The following RUFY4 variants were observed in gnomAD, a reference collection of about 807,000 sequenced individuals.
RUFY4 encodes RUN and FYVE domain-containing protein 4.
In RUFY4, 73 loss-of-function variants were observed where a neutral mutation model predicts 69.0. The observed-to-expected ratio is 1.06, with a 90% CI of 0.88 to 1.29. The LOEUF (loss-of-function observed/expected upper bound fraction) is 1.29. Among genes scored for constraint, RUFY4 ranks in the 50% most tolerant of loss-of-function variants. RUFY4 has a pLI of 0.00. For missense variants in RUFY4, 770 were observed against 705.6 expected, an observed-to-expected ratio of 1.09 and a Z score of -1.03; for synonymous variants, 287 against 271.8, an observed-to-expected ratio of 1.06 and a Z score of -0.55.
intron 4 of RUFY4, 117 bp from the exon 7 acceptor site, chr2:218,073,126 C>T: frequency 1.5e-6 from 2 of 1,311,174 alleles, no homozygotes; most frequent in Non-Finnish European, 2.1e-6. Context: ...GGAACAGCCT[C>T]ATGACGGTGT....
At chr2:218,089,593 C>A in intron 10 of RUFY4, 1 of 673,838 alleles carries the variant, frequency 1.5e-6, no homozygotes, top group Admixed American at 2.2e-5. Flanking sequence ...GGATTGGGTC[C>A]CCCTCCAAGA....
At chr2:218,077,422 G>A (rs188632519) in intron 8 of RUFY4, among the ~76,000 whole-genome samples, 11 of 152,208 alleles carry the variant, frequency 7.2e-5, no homozygotes, top group Admixed American at 4.6e-4. Context: ...ACTACATGGT[G>A]CAGACTGGTC....
Position 218,060,735 on chromosome 2 carries a change from G to A in RUFY4, c.-1071+2054G>A, listed in dbSNP as rs745822266. 4 of 1,437,570 alleles carry A rather than the reference G, an allele frequency of 2.8e-6. No individual in the cohort carries two copies. In the East Asian group the frequency reaches 9.1e-5, roughly 33 times the overall value. The allele number at this position is 1,437,570 out of a possible 1,614,324, so 89.1% of individuals were successfully genotyped here. ...GCGTATGCAGGGTGAATCTGTAGCAGAACAGCATGATCGCAGCGGCACGAT... is the reference window on the plus strand; with the variant it reads ...GCGTATGCAGGGTGAATCTGTAGCAAAACAGCATGATCGCAGCGGCACGAT... On this transcript the variant is annotated intron_variant and NMD_transcript_variant, in intron 3 of 13. Coordinates refer to the RUFY4 transcript ENST00000457754.
chr2:218,046,277 C>T (rs1688826898), intron 2 of RUFY4, among the ~76,000 whole-genome samples: 1 of 152,008 alleles, frequency 6.6e-6, no homozygotes, highest in South Asian at 2.1e-4. Flanking sequence ...GTGCTAGAGA[C>T]ACTAGAATTT....
intron 2 of RUFY4, among the ~76,000 whole-genome samples, chr2:218,057,239 T>C (rs1207881083): frequency 1.3e-5 from 2 of 152,248 alleles, no homozygotes; most frequent in East Asian, 3.8e-4. Context: ...AACTTTCTCT[T>C]TGTTGCAAAG....
chr2:218,077,619 GTC>G, intron 8 of RUFY4, among the ~76,000 whole-genome samples: 1 of 152,126 alleles, frequency 6.6e-6, no homozygotes, highest in East Asian at 1.9e-4. Flanking sequence ...ACCTGCCCCT[GTC>G]TCTCTCTCCC....
chr2:218,075,275 C>T (rs1689597496), exon 7 of RUFY4: 1 of 1,593,040 alleles, frequency 6.3e-7, no homozygotes, highest in Non-Finnish European at 8.5e-7. Flanking sequence ...AACATAGGTA[C>T]CCCCAGAGCA....
chr2:218,052,075 C>T (rs73082346), intron 2 of RUFY4, among the ~76,000 whole-genome samples: 9,886 of 152,250 alleles, frequency 0.065, 1,035 homozygotes, highest in African/African-American at 0.22. Flanking sequence ...TCACATCTCA[C>T]TACATGTGAC....
intron 2 of RUFY4, among the ~76,000 whole-genome samples, chr2:218,037,504 A>C (rs1958997655): frequency 6.6e-6 from 1 of 152,234 alleles, no homozygotes; most frequent in Non-Finnish European, 1.5e-5. Context: ...ACACAGCCTG[A>C]CTAATTAAAT....
At chr2:218,067,398 CT>C (rs1689365831), upstream of RUFY4, among the ~76,000 whole-genome samples, 1 of 152,260 alleles carries the variant, frequency 6.6e-6, no homozygotes, top group African/African-American at 2.4e-5. Context: ...CGGGTAGCCA[CT>C]GAGCCTTGGC....
intron 3 of RUFY4, chr2:218,059,714 A>G (rs1424681574): frequency 6.0e-6 from 1 of 166,790 alleles, no homozygotes; most frequent in Non-Finnish European, 1.5e-5. Flanking sequence ...CCATTCATTC[A>G]TTCATTCATT....
intron 2 of RUFY4, among the ~76,000 whole-genome samples, chr2:218,055,856 G>A (rs1233237809): frequency 1.3e-5 from 2 of 152,114 alleles, no homozygotes; most frequent in African/African-American, 4.8e-5. Context: ...TCCCAAGACC[G>A]TCAAAATACA....
At chr2:218,076,358 G>T (rs1689630070) in intron 7 of RUFY4, 69 bp from the exon 10 acceptor site, 1 of 1,523,260 alleles carries the variant, frequency 6.6e-7, no homozygotes, top group Non-Finnish European at 8.8e-7. Context: ...ATGTTGTTCA[G>T]GTCAGCCCCA....
chr2:218,072,811 C>T (rs1689522219), exon 4 of RUFY4: 2 of 1,535,690 alleles, frequency 1.3e-6, no homozygotes, highest in Non-Finnish European at 8.7e-7. Flanking sequence ...GCCGTGCCTT[C>T]ATCCGCTTCT....
chr2:218,058,284 A>T (rs1432673523), intron 2 of RUFY4, among the ~76,000 whole-genome samples: 1 of 152,166 alleles, frequency 6.6e-6, no homozygotes, highest in Admixed American at 6.5e-5. Flanking sequence ...ACGTTTTAAA[A>T]CATTTTCATT....
intron 2 of RUFY4, among the ~76,000 whole-genome samples, chr2:218,046,546 G>GAT (rs1688833616): frequency 6.6e-6 from 1 of 152,070 alleles, no homozygotes; most frequent in South Asian, 2.1e-4. Context: ...TGAATATCTT[G>GAT]CAATGCTGTG....
At chr2:218,086,012 A>G (rs1689886090) in intron 9 of RUFY4, among the ~76,000 whole-genome samples, 1 of 152,260 alleles carries the variant, frequency 6.6e-6, no homozygotes, top group African/African-American at 2.4e-5. Context: ...AAAAAGATCC[A>G]TCTTCCATGA....
intron 3 of RUFY4, among the ~76,000 whole-genome samples, chr2:218,064,110 C>A (rs1689265049): frequency 6.6e-6 from 1 of 152,190 alleles, no homozygotes; most frequent in South Asian, 2.1e-4. Flanking sequence ...GCTGTACTTA[C>A]ACTTTCTGGA....
intron 9 of RUFY4, among the ~76,000 whole-genome samples, chr2:218,088,178 C>T (rs912096240): frequency 2.6e-5 from 4 of 151,888 alleles, no homozygotes; most frequent in African/African-American, 7.3e-5. Flanking sequence ...TAAAACAACC[C>T]GTCTTCCTAA....
Sources: gnomAD v4.1 joint callset for allele counts (sites outside exome capture counted in the v4.1 genomes callset) on GRCh38, gnomAD v4.1.1 for gene constraint, MANE v1.5 for transcripts, NCBI Gene and HGNC (gene_info 2026-07-23, HGNC 2026-07-21) for gene names.